UBXN6: variants seen among roughly 807,000 people sequenced by gnomAD.
UBXN6 encodes the protein UBX domain protein 6, also known as UBX domain-containing protein 6.
A neutral mutation model predicts 51.4 loss-of-function variants in UBXN6; 44 were observed. That is an observed-to-expected ratio of 0.86 (90% CI 0.67 to 1.10). The LOEUF (loss-of-function observed/expected upper bound fraction) is 1.10, where lower values mean the gene tolerates loss of function less well. UBXN6 is among the 50% of genes least tolerant of loss of function. The pLI, the probability that UBXN6 is intolerant of heterozygous loss-of-function variation, is 0.00. For missense variants in UBXN6, 672 were observed against 596.1 expected (o/e 1.13, Z -1.32); for synonymous variants, 316 against 263.2 (o/e 1.20, Z -1.94).
rs1331766748 is a variant in UBXN6, at chr19:4,448,203, C to T, written c.539+115G>A. 10 of 982,600 alleles carry T rather than the reference C, an allele frequency of 1.0e-5. No homozygotes were observed. In the Admixed American group the frequency reaches 2.1e-4, roughly 21 times the overall value. The allele number at this position is 982,600 out of a possible 1,614,324, so 60.9% of individuals were successfully genotyped here. A position where few individuals can be genotyped will look rare whatever the true frequency, so the allele number is the denominator to read the frequency against. On this transcript the variant is annotated intron_variant, in intron 5 of 10. Coordinates refer to ENST00000301281, the MANE Select transcript of UBXN6 (RefSeq NM_025241.3). ...GCTGCCTCACTCTCGGCCTATGCTC[C>T]TTCCCAACCCACCTCAGCAGGTAAT...
rs1411574416 is a variant in UBXN6 at position 4,457,719 on chromosome 19, G to A, written c.-22C>T. ...TCATGGTGGCGGCTGGCCCGGCGGCGGGGGGCCGCGGGGGCGGGGGGGCAC... is the reference window on the plus strand; with the variant it reads ...TCATGGTGGCGGCTGGCCCGGCGGCAGGGGGCCGCGGGGGCGGGGGGGCAC... On this transcript the variant is annotated 5_prime_UTR_variant, in exon 1 of 11. Coordinates refer to ENST00000301281, the MANE Select transcript of UBXN6 (RefSeq NM_025241.3). 1.0e-5 allele frequency: 15 copies of A among 1,493,824 alleles called. No individual in the cohort carries two copies. The highest frequency in any genetic ancestry group is 1.3e-5 in the Non-Finnish European group (15 of 1,121,934). 92.5% of individuals were successfully genotyped at this position (1,493,824 alleles called of 1,614,324 possible).
chr19:4,446,573 C>G lies in UBXN6; in HGVS notation c.847G>C (p.Ala283Pro), dbSNP rs1467330190. 3.1e-6 allele frequency: 5 copies of G among 1,612,618 alleles called. No individual in the cohort carries two copies. The highest frequency in any genetic ancestry group is 4.2e-6 in the Non-Finnish European group (5 of 1,179,932). ...TCCCCAGGCAGTTCGAACTGCGAGG[C>G]CAGGGGCGAGGGCTGGAAGACGCGG... is the stretch of plus-strand genomic sequence containing the variant. ...QRRVFQPSPLASQFELPGDFF... is the reference protein window; with the variant it reads ...QRRVFQPSPLPSQFELPGDFF... Residue 283 changes from alanine to proline, a missense_variant, in exon 8 of 11, where the codon GCC (alanine) becomes CCC (proline). By Grantham distance (27) the Ala-to-Pro change is conservative. Coordinates refer to ENST00000301281, the MANE Select transcript of UBXN6 (RefSeq NM_025241.3).
intron 4 of UBXN6, chr19:4,450,004 C>T (rs1003661091): frequency 5.3e-5 from 8 of 151,950 alleles, no homozygotes; most frequent in East Asian, 1.9e-4. Flanking sequence ...CCGAGGCGGT[C>T]GGATCACGAG....
chr19:4,454,163 C>G, intron 1 of UBXN6, 70 bp from the exon 2 acceptor site: 2 of 1,442,638 alleles, frequency 1.4e-6, no homozygotes, highest in Non-Finnish European at 1.8e-6. Context: ...TGCAGTCACA[C>G]AGAGGAGCTT....
In UBXN6 at chr19:4,446,709, C is replaced by T. The variant is rs1417655039; in HGVS notation, c.711G>A (p.Glu237=). The T allele has an allele frequency of 6.2e-7, 1 of 1,609,002 alleles. No individual in the cohort carries two copies. Among genetic ancestry groups the T allele is most frequent in the East Asian group, 2.2e-5 (1 of 44,790 alleles). ...LLPAQDQEDP[E]EFYVLSETTL... is the part of the protein sequence containing the mutation. The stretch of plus-strand genomic sequence containing the variant: ...TGGTCTCGCTCAGCACGTAGAACTC[C>T]TCGGGGTCCTCTACAGCGTGGCAGG... The change falls in exon 8 of 11, where the codon GAG becomes GAA. Residue 237 remains glutamate, a synonymous_variant. Transcript: ENST00000301281.
At chr19:4,450,817 A>G (rs1303175050) in intron 4 of UBXN6, 4 of 151,816 alleles carry the variant, frequency 2.6e-5, no homozygotes, top group African/African-American at 9.7e-5. Context: ...TAAAAAGACA[A>G]ACTATCTACT....
At chr19:4,448,490 G>C in intron 4 of UBXN6, 75 bp from the exon 5 acceptor site, 1 of 1,259,862 alleles carries the variant, frequency 7.9e-7, no homozygotes. Context: ...CAGGTAACAG[G>C]GGCAGGAAAA....
intron 1 of UBXN6, among the ~76,000 whole-genome samples, chr19:4,455,858 C>G (rs1974732808): frequency 6.6e-6 from 1 of 152,132 alleles, no homozygotes; most frequent in African/African-American, 2.4e-5. Context: ...CCTTCCCAAA[C>G]CACCTGACGG....
chr19:4,447,307 G>A lies in UBXN6; in HGVS notation c.615+243C>T, dbSNP rs147856824. On this transcript the variant is annotated intron_variant, in intron 6 of 10. Coordinates refer to ENST00000301281, the MANE Select transcript of UBXN6 (RefSeq NM_025241.3). ...ATGTTCCCAAACAAGCCCAGCTGAA[G>A]AGGAGGAAAAGGATGCAGGTGAGGA... is the stretch of plus-strand genomic sequence containing the variant. 1.7e-3 allele frequency: 996 copies of A among 580,014 alleles called. 12 individuals are homozygous for A. In the East Asian group the frequency reaches 0.028, roughly 16 times the overall value. The allele number at this position is 580,014 out of a possible 1,614,324, so 35.9% of individuals were successfully genotyped here.
intron 1 of UBXN6, among the ~76,000 whole-genome samples, chr19:4,457,362 T>G (rs1599683599): frequency 1.9e-5 from 1 of 52,248 alleles, no homozygotes; most frequent in African/African-American, 7.8e-5. Flanking sequence ...TCCCCTCCCC[T>G]CGCCTCCCCC....
chr19:4,447,727 T>C (rs1192028689), intron 5 of UBXN6, 102 bp from the exon 6 acceptor site: 2 of 1,244,738 alleles, frequency 1.6e-6, no homozygotes, highest in Admixed American at 1.7e-5. Flanking sequence ...ACACTTGGCC[T>C]CTAGTCAGAG....
intron 6 of UBXN6, chr19:4,447,171 A>G: frequency 1.7e-6 from 1 of 591,634 alleles, no homozygotes; most frequent in Admixed American, 3.0e-5. Flanking sequence ...GAGGAGCCAG[A>G]CACTGCTGGG....
intron 4 of UBXN6, chr19:4,449,413 T>C (rs2077444): frequency 0.36 from 54,480 of 152,262 alleles, 10,158 homozygotes; most frequent in Non-Finnish European, 0.42. Context: ...ACCTACACAC[T>C]GAGCCGGGGC....
Position 4,446,430 on chromosome 19 carries a change from G to A in UBXN6, c.921-17C>T. ...GCCTCGGACCTGCACACGCGGGCCA[G>A]GTCACGAGGGCTGGCCGGGGTTCTT... On this transcript the variant is annotated splice_polypyrimidine_tract_variant and intron_variant, in intron 8 of 10. Transcript: ENST00000301281. The A allele has an allele frequency of 6.3e-7, 1 of 1,577,680 alleles. No homozygotes were observed. Among genetic ancestry groups the A allele is most frequent in the Non-Finnish European group, 8.6e-7 (1 of 1,167,744 alleles).
chr19:4,453,433 C>T, intron 3 of UBXN6, 25 bp downstream of exon 3: 1 of 1,610,940 alleles, frequency 6.2e-7, no homozygotes, highest in Non-Finnish European at 8.5e-7. Context: ...TGGCATGGGA[C>T]AGTGCCACCA....
intron 5 of UBXN6, 173 bp from the exon 6 acceptor site, chr19:4,447,798 G>A (rs888682351): frequency 1.2e-5 from 8 of 652,262 alleles, no homozygotes; most frequent in African/African-American, 1.8e-5. Flanking sequence ...GGCACACCTC[G>A]GACACCCCAT....
Position 4,446,363 on chromosome 19 carries a change from T to C in UBXN6, c.971A>G (p.Glu324Gly), listed in dbSNP as rs758623562. 1 of 1,573,204 alleles carries C rather than the reference T, an allele frequency of 6.4e-7. No individual in the cohort carries two copies. Among genetic ancestry groups the C allele is most frequent in the Admixed American group, 1.8e-5 (1 of 55,438 alleles). ...GCGCAGCCCCCGCTGCTCCTCCTTC[T>C]CCCGCATGGCCTTGGTCCGCAGCAC... is the stretch of plus-strand genomic sequence containing the variant. Reference protein sequence around the residue: ...LSVLRTKAMREKEEQRGLRKY... With the variant: ...LSVLRTKAMRGKEEQRGLRKY... The change falls in exon 9 of 11, where the codon GAG (glutamate) becomes GGG (glycine). Residue 324 changes from glutamate (E) to glycine (G), a missense_variant. Transcript: ENST00000301281.
At chr19:4,457,520 T>C (rs1187442596) in intron 1 of UBXN6, 95 bp downstream of exon 1, 2 of 1,015,820 alleles carry the variant, frequency 2.0e-6, no homozygotes, top group South Asian at 3.1e-5. Context: ...CAGCCCCTCA[T>C]CCTCTCCGAT....
intron 1 of UBXN6, among the ~76,000 whole-genome samples, chr19:4,454,326 C>G (rs1048723387): frequency 6.6e-6 from 1 of 152,182 alleles, no homozygotes. Flanking sequence ...CAGCTCTGCA[C>G]CATCGGGCAA....
Sources: gnomAD v4.1 joint callset for allele counts (sites outside exome capture counted in the v4.1 genomes callset) on GRCh38, gnomAD v4.1.1 for gene constraint, MANE v1.5 for transcripts, NCBI Gene and HGNC (gene_info 2026-07-23, HGNC 2026-07-21) for gene names.